Variants in PSD3 observed in about 807,000 individuals in gnomAD.
The protein encoded by PSD3 is PH and SEC7 domain-containing protein 3.
A neutral mutation model predicts 105.5 loss-of-function variants in PSD3; 49 were observed. The ratio of observed to expected loss-of-function variants is 0.46; its 90% CI spans 0.37 to 0.59. The LOEUF (loss-of-function observed/expected upper bound fraction) is 0.59, where lower values mean the gene tolerates loss of function less well. Ranked by LOEUF, PSD3 falls within the 20% of genes least tolerant of loss-of-function variation. PSD3 has a pLI of 0.00. For missense variants in PSD3, 1,561 were observed against 1,263.8 expected (o/e 1.24, Z -3.57); for synonymous variants, 557 against 457.8 (o/e 1.22, Z -2.77).
chr8:18,860,731 G>A, intron 4 of PSD3, among the ~76,000 whole-genome samples: 1 of 152,172 alleles, frequency 6.6e-6, no homozygotes, highest in East Asian at 1.9e-4. Flanking sequence ...ATGGTGCTAA[G>A]AGACCTCTGC....
In PSD3 at chr8:18,871,763, A is replaced by C. The variant is rs1168640569; in HGVS notation, c.1101T>G (p.Ala367=). 1.2e-6 allele frequency: 2 copies of C among 1,614,206 alleles called. No individual in the cohort carries two copies. The highest frequency in any genetic ancestry group is 3.3e-5 in the Admixed American group (2 of 60,032). The change falls in exon 3 of 16, where the codon GCT becomes GCG. Residue 367 remains alanine (A), a synonymous_variant. Transcript: ENST00000327040. ...AGCTAGTGCCAGGCCTCTCTGAAGGAGCTTTCCAGGATTCATCCCAAACAT... is the reference window on the plus strand; with the variant it reads ...AGCTAGTGCCAGGCCTCTCTGAAGGCGCTTTCCAGGATTCATCCCAAACAT... ...TENVWDESWK[A]PSERPGTSSG...
chr8:18,773,192 A>G (rs188903566), intron 8 of PSD3, among the ~76,000 whole-genome samples: 1 of 152,274 alleles, frequency 6.6e-6, no homozygotes, highest in Admixed American at 6.5e-5. Flanking sequence ...ATTTTTATAC[A>G]CTGTGTGATA....
In PSD3 at chr8:18,951,636, G is replaced by C. The variant is rs577979795; in HGVS notation, c.22-15494C>G. Among the ~76,000 whole-genome samples the C allele has an allele frequency of 7.2e-5, 11 of 152,286 alleles. No homozygotes were observed. The East Asian group carries it at 1.9e-3, about 27-fold the overall frequency. ...CAATGGCTTCAAATTTGTGCAATTAGTGAAAATAATTAGCCATGAAGTTGC... is the reference window on the plus strand; with the variant it reads ...CAATGGCTTCAAATTTGTGCAATTACTGAAAATAATTAGCCATGAAGTTGC... On this transcript the variant is annotated intron_variant, in intron 1 of 15. Coordinates refer to ENST00000327040, the MANE Select transcript of PSD3 (RefSeq NM_015310.4).
chr8:18,638,058 A>G (rs1807395119), intron 10 of PSD3, among the ~76,000 whole-genome samples: 1 of 151,822 alleles, frequency 6.6e-6, no homozygotes, highest in Non-Finnish European at 1.5e-5. Context: ...TGGGAGGCTG[A>G]AGCAGAGAAC....
At chr8:19,045,676 G>A (rs1828293423) in intron 1 of PSD3, among the ~76,000 whole-genome samples, 1 of 152,138 alleles carries the variant, frequency 6.6e-6, no homozygotes, top group African/African-American at 2.4e-5. Context: ...CCATTTAAAG[G>A]GGAAGGAAAT....
At chr8:18,811,909 G>C (rs1035697822) in intron 4 of PSD3, among the ~76,000 whole-genome samples, 1 of 152,176 alleles carries the variant, frequency 6.6e-6, no homozygotes, top group Non-Finnish European at 1.5e-5. Context: ...CAGAATAATA[G>C]TGTATAAATG....
At chr8:19,074,636 T>A (rs1365314366) in intron 1 of PSD3, among the ~76,000 whole-genome samples, 10 of 109,774 alleles carry the variant, frequency 9.1e-5, no homozygotes, top group Non-Finnish European at 1.7e-4. Flanking sequence ...TTTTTTTTTT[T>A]TTGAGATGGA....
At chr8:18,587,792 T>C (rs1347851501) in intron 12 of PSD3, among the ~76,000 whole-genome samples, 3 of 152,210 alleles carry the variant, frequency 2.0e-5, no homozygotes, top group Non-Finnish European at 4.4e-5. Context: ...ATCTTAGTTG[T>C]CTTTGGAAGC....
At chr8:19,040,846 T>C (rs1385928995) in intron 1 of PSD3, among the ~76,000 whole-genome samples, 1 of 151,904 alleles carries the variant, frequency 6.6e-6, no homozygotes, top group African/African-American at 2.4e-5. Flanking sequence ...CCAAGGTCTC[T>C]TACTCTGAGA....
rs1188558408 is a variant in PSD3 at position 18,874,170 on chromosome 8, A to AT, written c.131-1438dup. Among the ~76,000 whole-genome samples, 21 of 150,474 alleles carry AT rather than the reference A, an allele frequency of 1.4e-4. No individual in the cohort carries two copies. The East Asian group carries it at 3.3e-3, about 24-fold the overall frequency. ...TTTTTATTTTATTTTATTTTATTTT[A>AT]TTTATTTATTGAGATGGAGTCTCAC... is the stretch of plus-strand genomic sequence containing the variant. On this transcript the variant is annotated intron_variant, in intron 2 of 15. Coordinates refer to ENST00000327040, the MANE Select transcript of PSD3 (RefSeq NM_015310.4).
intron 9 of PSD3, among the ~76,000 whole-genome samples, chr8:18,737,752 T>C (rs1177334293): frequency 6.6e-6 from 1 of 152,202 alleles, no homozygotes; most frequent in Non-Finnish European, 1.5e-5. Flanking sequence ...TGGTCTATTA[T>C]CACTTTCTAA....
At chr8:18,634,325 T>C (rs1807106296) in intron 10 of PSD3, among the ~76,000 whole-genome samples, 1 of 152,116 alleles carries the variant, frequency 6.6e-6, no homozygotes, top group African/African-American at 2.4e-5. Flanking sequence ...ACTGGACTCT[T>C]AGAAGAAATG....
intron 8 of PSD3, among the ~76,000 whole-genome samples, chr8:18,767,700 T>C (rs1412039715): frequency 6.6e-6 from 1 of 151,788 alleles, no homozygotes. Flanking sequence ...TGAGCAGAGA[T>C]CGTGCCACTG....
chr8:18,817,040 C>T (rs938718365), intron 4 of PSD3, among the ~76,000 whole-genome samples: 30 of 152,070 alleles, frequency 2.0e-4, no homozygotes, highest in Non-Finnish European at 4.3e-4. Context: ...GGCAAGATGG[C>T]GTTTGGTAAG....
intron 10 of PSD3, among the ~76,000 whole-genome samples, chr8:18,655,237 G>A (rs1365270328): frequency 2.0e-5 from 3 of 151,046 alleles, no homozygotes; most frequent in South Asian, 2.1e-4. Flanking sequence ...GCTGAGGCAG[G>A]AGAATGGCGT....
At chr8:18,752,834 G>T (rs1266395612) in intron 9 of PSD3, among the ~76,000 whole-genome samples, 1 of 149,598 alleles carries the variant, frequency 6.7e-6, no homozygotes, top group Non-Finnish European at 1.5e-5. Flanking sequence ...GAAAGAAAGA[G>T]CATGGAAATG....
In PSD3 at chr8:18,547,843, A is replaced by C. The variant is rs139784605; in HGVS notation, c.2928+8366T>G. Among the ~76,000 whole-genome samples the C allele has an allele frequency of 5.6e-3, 850 of 152,144 alleles. 10 individuals carry two copies. The highest frequency in any genetic ancestry group is 0.02 in the African/African-American group (827 of 41,496). The stretch of plus-strand genomic sequence containing the variant: ...CCTGGATATTCATATCTTTCTCTAG[A>C]TTTGGGAAGTATTCAGTCTTTAAAT... On this transcript the variant is annotated intron_variant, in intron 15 of 15. Coordinates refer to ENST00000327040, the MANE Select transcript of PSD3 (RefSeq NM_015310.4).
chr8:18,795,144 T>C (rs1176338729), intron 8 of PSD3, among the ~76,000 whole-genome samples: 2 of 152,204 alleles, frequency 1.3e-5, no homozygotes, highest in Non-Finnish European at 2.9e-5. Context: ...CTTCCTTGAT[T>C]ATATTCTTCT....
chr8:18,741,889 C>A (rs1804610069), intron 9 of PSD3, among the ~76,000 whole-genome samples: 1 of 150,744 alleles, frequency 6.6e-6, no homozygotes, highest in South Asian at 2.1e-4. Context: ...GCAGGTGGAG[C>A]CCTGACAAAA....
Sources: allele counts gnomAD v4.1 joint callset (sites outside exome capture counted in the v4.1 genomes callset), GRCh38; gene constraint gnomAD v4.1.1; transcripts MANE v1.5; gene names NCBI Gene and HGNC (gene_info 2026-07-23, HGNC 2026-07-21).